The following PATJ variants were observed in gnomAD, a reference collection of about 807,000 sequenced individuals.
PATJ encodes the protein PATJ crumbs cell polarity complex component.
In PATJ, 190 loss-of-function variants were observed where a neutral mutation model predicts 224.9. The observed-to-expected ratio is 0.84, with a 90% CI of 0.75 to 0.95. The LOEUF is 0.95. Among genes scored for constraint, PATJ ranks in the 40% least tolerant of loss-of-function variants. The pLI, the probability that PATJ is intolerant of heterozygous loss-of-function variation, is 0.00. For missense variants in PATJ, 2,121 were observed against 2,270.3 expected (o/e 0.93, Z 1.34); for synonymous variants, 769 against 820.3 (o/e 0.94, Z 1.07).
intron 28 of PATJ, among the ~76,000 whole-genome samples, chr1:62,009,264 A>T (rs1479541306): frequency 6.6e-6 from 1 of 152,158 alleles, no homozygotes; most frequent in Admixed American, 6.5e-5. Context: ...CTTCAGATAG[A>T]TTATGGGTTC....
At chr1:61,934,869 G>A (rs182010016) in intron 27 of PATJ, among the ~76,000 whole-genome samples, 42 of 152,154 alleles carry the variant, frequency 2.8e-4, no homozygotes, top group African/African-American at 8.9e-4. Flanking sequence ...GTGGTGCTTC[G>A]GAGATACTCT....
chr1:62,003,243 G>A (rs1299176700), intron 28 of PATJ, among the ~76,000 whole-genome samples: 1 of 152,162 alleles, frequency 6.6e-6, no homozygotes, highest in East Asian at 1.9e-4. Context: ...AACTTTCACA[G>A]GAGTATTCAA....
intron 20 of PATJ, among the ~76,000 whole-genome samples, chr1:61,871,426 C>CAT (rs1295488611): frequency 0.048 from 2,751 of 56,784 alleles, 116 homozygotes; most frequent in Non-Finnish European, 0.062. Context: ...TATATATGTA[C>CAT]ATATATATGT....
At chr1:62,048,545 C>CAAAA (rs773157635) in intron 30 of PATJ, among the ~76,000 whole-genome samples, 197 of 66,118 alleles carry the variant, frequency 3.0e-3, no homozygotes, top group Middle Eastern at 0.012. Flanking sequence ...GACTCTGTCT[C>CAAAA]AAAAAAAAAA....
chr1:61,802,587 T>C (rs560795041), intron 12 of PATJ, among the ~76,000 whole-genome samples: 2 of 152,320 alleles, frequency 1.3e-5, no homozygotes, highest in African/African-American at 2.4e-5. Flanking sequence ...TATATTATCA[T>C]TGATATGTCT....
chr1:62,040,507 T>G (rs925234310), intron 30 of PATJ, among the ~76,000 whole-genome samples: 1 of 152,052 alleles, frequency 6.6e-6, no homozygotes, highest in African/African-American at 2.4e-5. Flanking sequence ...TTGGTTACAC[T>G]TGGGCAAGGT....
In PATJ at chr1:62,106,158, G is replaced by GTATATA. The variant is rs61653676; in HGVS notation, c.4378-2255_4378-2250dup. Among the ~76,000 whole-genome samples the GTATATA allele has an allele frequency of 2.0e-3, 96 of 48,056 alleles. 5 individuals are homozygous for GTATATA. The highest frequency in any genetic ancestry group is 2.4e-3 in the Non-Finnish European group (55 of 22,812). 31.5% of individuals were successfully genotyped at this position (48,056 alleles called of 152,430 possible). A position where few individuals can be genotyped will look rare whatever the true frequency, so the allele number is the denominator to read the frequency against. On this transcript the variant is annotated intron_variant, in intron 33 of 43. Coordinates refer to ENST00000642238, the MANE Select transcript of PATJ (RefSeq NM_001350145.3). Reference sequence around the variant, plus strand: ...TACATGTGTATATGTGTGTGTGTGTGTATATATATATATATATATATATAT... The same window carrying GTATATA: ...TACATGTGTATATGTGTGTGTGTGTGTATATATATATATATATATATATATATATAT...
In PATJ at chr1:61,799,820, G is replaced by A. The variant is rs557182643; in HGVS notation, c.1403-1803G>A. Among the ~76,000 whole-genome samples, 8 of 152,182 alleles carry A rather than the reference G, an allele frequency of 5.3e-5. No homozygotes were observed. In the South Asian group the frequency reaches 1.5e-3, roughly 28 times the overall value. ...ATGGAGTGTTTAATTTCCTGTTTCC[G>A]AGTCATTTCACTTAGAATAATGGCC... On this transcript the variant is annotated intron_variant, in intron 11 of 43. Transcript: ENST00000642238.
intron 32 of PATJ, among the ~76,000 whole-genome samples, chr1:62,080,242 C>G (rs1299775802): frequency 6.6e-6 from 1 of 152,146 alleles, no homozygotes; most frequent in Non-Finnish European, 1.5e-5. Flanking sequence ...AATTGGCATG[C>G]ACATTCTGTC....
chr1:61,918,286 G>A (rs1213786640), intron 26 of PATJ, among the ~76,000 whole-genome samples: 2 of 149,238 alleles, frequency 1.3e-5, no homozygotes, highest in African/African-American at 2.5e-5. Context: ...ACATTTGTTG[G>A]CATAAAGTTG....
chr1:62,136,649 GTGTGTGTGTGTGTGTC>G (rs764299762), intron 41 of PATJ, among the ~76,000 whole-genome samples: 3,802 of 47,064 alleles, frequency 0.081, 60 homozygotes, highest in South Asian at 0.12. Flanking sequence ...TATGTTTTGC[GTGTGTGTGTGTGTGTC>G]TGTGTGTGTG....
intron 28 of PATJ, among the ~76,000 whole-genome samples, chr1:62,004,357 G>A (rs1269603209): frequency 1.3e-5 from 2 of 151,998 alleles, no homozygotes; most frequent in African/African-American, 2.4e-5. Context: ...TGAATAAATG[G>A]GTGAATATTC....
chr1:62,054,997 GT>G (rs1471351485), intron 31 of PATJ, among the ~76,000 whole-genome samples: 1 of 152,108 alleles, frequency 6.6e-6, no homozygotes, highest in East Asian at 1.9e-4. Context: ...GGAGGTTGCA[GT>G]GAGCTGAGAT....
At chr1:62,080,062 T>A (rs959125729) in intron 32 of PATJ, among the ~76,000 whole-genome samples, 2 of 151,670 alleles carry the variant, frequency 1.3e-5, no homozygotes, top group African/African-American at 4.9e-5. Flanking sequence ...AGGACCTCAG[T>A]AAATGTTATT....
At chr1:61,964,575 G>A (rs1053161287) in intron 27 of PATJ, among the ~76,000 whole-genome samples, 7 of 152,016 alleles carry the variant, frequency 4.6e-5, no homozygotes, top group African/African-American at 1.7e-4. Flanking sequence ...GATTGCTTGA[G>A]GCCAGGAGTT....
At chr1:61,790,207 G>GAAA (rs35646597) in intron 8 of PATJ, among the ~76,000 whole-genome samples, 5 of 114,074 alleles carry the variant, frequency 4.4e-5, no homozygotes, top group East Asian at 2.6e-4. Flanking sequence ...CTGTCTCTGA[G>GAAA]AAAAAAAAAA....
At chr1:61,765,749 CT>C (rs1289914199) in intron 3 of PATJ, among the ~76,000 whole-genome samples, 1 of 152,140 alleles carries the variant, frequency 6.6e-6, no homozygotes. Flanking sequence ...TACTTAACCC[CT>C]GTGTGCCTCG....
chr1:62,128,554 T>A (rs1361610027), intron 40 of PATJ: 1 of 383,744 alleles, frequency 2.6e-6, no homozygotes, highest in East Asian at 4.4e-5. Flanking sequence ...CACTTCGCTT[T>A]TACTGGCAAA....
At chr1:61,920,008 G>A (rs570866323) in intron 26 of PATJ, among the ~76,000 whole-genome samples, 2 of 152,150 alleles carry the variant, frequency 1.3e-5, no homozygotes, top group East Asian at 1.9e-4. Flanking sequence ...GAGTTATTCC[G>A]ATTTCTTATA....
Sources: gnomAD v4.1 joint callset for allele counts (sites outside exome capture counted in the v4.1 genomes callset) on GRCh38, gnomAD v4.1.1 for gene constraint, MANE v1.5 for transcripts, NCBI Gene and HGNC (gene_info 2026-07-23, HGNC 2026-07-21) for gene names.